PDE4D: variants seen among roughly 807,000 people sequenced by gnomAD.
The protein encoded by PDE4D is 3',5'-cyclic-AMP phosphodiesterase 4D.
Under a neutral mutation model 87.4 loss-of-function variants are expected in PDE4D, and 24 were observed. The observed-to-expected ratio is 0.27, with a 90% CI of 0.20 to 0.39. The LOEUF is 0.39. Among genes scored for constraint, PDE4D ranks in the 10% least tolerant of loss-of-function variants. The pLI, the probability that PDE4D is intolerant of heterozygous loss-of-function variation, is 1.00. For missense variants in PDE4D, 714 were observed against 1,041.0 expected, an observed-to-expected ratio of 0.69 and a Z score of 4.32; for synonymous variants, 384 against 383.2, an observed-to-expected ratio of 1.00 and a Z score of -0.02.
At chr5:60,416,582 A>T (rs1742594461) in intron 1 of PDE4D, among the ~76,000 whole-genome samples, 1 of 152,146 alleles carries the variant, frequency 6.6e-6, no homozygotes, top group Admixed American at 6.5e-5. Context: ...CCACGAACCC[A>T]CCAGAAGGAG....
At chr5:59,835,450 A>G (rs553677466) in intron 1 of PDE4D, among the ~76,000 whole-genome samples, 77 of 152,132 alleles carry the variant, frequency 5.1e-4, no homozygotes, top group African/African-American at 1.8e-3. Flanking sequence ...CCATCATGAA[A>G]GGAAATGGTA....
At chr5:59,800,399 T>C (rs1337389183) in intron 1 of PDE4D, among the ~76,000 whole-genome samples, 1 of 152,102 alleles carries the variant, frequency 6.6e-6, no homozygotes, top group Non-Finnish European at 1.5e-5. Context: ...TCACACTATA[T>C]AGTAAATGAA....
rs563941588 is a variant in PDE4D at position 59,094,907 on chromosome 5, G to A, written c.809-55936C>T. On this transcript the variant is annotated intron_variant, in intron 5 of 14. Coordinates refer to ENST00000340635, the MANE Select transcript of PDE4D (RefSeq NM_001104631.2). ...TTCTTGTCATTCTTCTGAGACTCTG[G>A]AGCTCCTGAGACTTCTTTTTCACTA... is the stretch of plus-strand genomic sequence containing the variant. 1.0e-3 allele frequency among the ~76,000 whole-genome samples: 153 copies of A among 152,076 alleles called. 1 individual carries two copies. The highest frequency in any genetic ancestry group is 3.6e-3 in the African/African-American group (148 of 41,484).
At chr5:59,685,049 C>T (rs576650100) in intron 1 of PDE4D, among the ~76,000 whole-genome samples, 123 of 152,284 alleles carry the variant, frequency 8.1e-4, no homozygotes, top group Non-Finnish European at 1.5e-3. Context: ...CAGACTAACA[C>T]ATAGAGTATA....
intron 1 of PDE4D, among the ~76,000 whole-genome samples, chr5:60,512,434 T>A (rs555048340): frequency 6.6e-6 from 1 of 152,302 alleles, no homozygotes; most frequent in East Asian, 1.9e-4. Context: ...TTTGATCATC[T>A]GCATTCAATC....
chr5:59,773,277 T>C (rs1395847473), intron 1 of PDE4D, among the ~76,000 whole-genome samples: 1 of 152,214 alleles, frequency 6.6e-6, no homozygotes, highest in African/African-American at 2.4e-5. Context: ...AGTTTACCAA[T>C]GGCATAAATG....
At chr5:59,633,645 A>G (rs1831856463) in intron 1 of PDE4D, among the ~76,000 whole-genome samples, 2 of 152,240 alleles carry the variant, frequency 1.3e-5, no homozygotes, top group South Asian at 4.1e-4. Context: ...ACTAAGCTTC[A>G]TAATTGAAGA....
At chr5:59,353,964 T>C (rs915333465) in intron 1 of PDE4D, among the ~76,000 whole-genome samples, 5 of 152,210 alleles carry the variant, frequency 3.3e-5, no homozygotes, top group Non-Finnish European at 7.3e-5. Context: ...TGCTATTACT[T>C]TAACAAATCA....
intron 1 of PDE4D, among the ~76,000 whole-genome samples, chr5:60,272,012 A>T (rs1008187850): frequency 7.9e-5 from 12 of 152,222 alleles, no homozygotes; most frequent in Admixed American, 2.6e-4. Context: ...AAAGGGACAG[A>T]AACAAGAATA....
chr5:60,457,987 C>A (rs1746606181), intron 1 of PDE4D, among the ~76,000 whole-genome samples: 1 of 152,182 alleles, frequency 6.6e-6, no homozygotes, highest in South Asian at 2.1e-4. Flanking sequence ...CCACTGAGCG[C>A]TTATTAGAAC....
chr5:59,787,856 T>A (rs1002464633), intron 1 of PDE4D, among the ~76,000 whole-genome samples: 1 of 152,156 alleles, frequency 6.6e-6, no homozygotes, highest in Non-Finnish European at 1.5e-5. Context: ...GCTGGGTCTA[T>A]CAAGCAACTA....
intron 1 of PDE4D, among the ~76,000 whole-genome samples, chr5:60,404,941 G>A (rs555847523): frequency 6.6e-6 from 1 of 152,298 alleles, no homozygotes; most frequent in East Asian, 1.9e-4. Context: ...GAACCTCTAA[G>A]CCATCTTCTC....
At chr5:59,733,051 A>G (rs1339853198) in intron 1 of PDE4D, among the ~76,000 whole-genome samples, 1 of 152,138 alleles carries the variant, frequency 6.6e-6, no homozygotes, top group African/African-American at 2.4e-5. Context: ...TTCAAAATGA[A>G]TAAGACACTG....
chr5:59,789,297 A>C (rs1561664777), intron 1 of PDE4D, among the ~76,000 whole-genome samples: 1 of 152,244 alleles, frequency 6.6e-6, no homozygotes, highest in Non-Finnish European at 1.5e-5. Flanking sequence ...ACAGCTCAGT[A>C]TAAAGGCTGG....
chr5:60,492,911 GAAGAA>G (rs1409069224), upstream of PDE4D, among the ~76,000 whole-genome samples: 2 of 150,118 alleles, frequency 1.3e-5, no homozygotes. Context: ...TTAAAAAAAA[GAAGAA>G]AAGAAAAAAA....
At chr5:59,985,332 T>C (rs1305175783) in intron 3 of PDE4D, among the ~76,000 whole-genome samples, 1 of 151,532 alleles carries the variant, frequency 6.6e-6, no homozygotes, top group Non-Finnish European at 1.5e-5. Flanking sequence ...TCGTACAGAC[T>C]GGGTTTCACC....
intron 1 of PDE4D, among the ~76,000 whole-genome samples, chr5:59,219,541 T>C (rs976440374): frequency 2.0e-5 from 3 of 152,124 alleles, no homozygotes; most frequent in Non-Finnish European, 4.4e-5. Context: ...ACTTTGTATT[T>C]TGAAATAGTC....
chr5:60,436,224 A>G (rs1744748405), intron 1 of PDE4D, among the ~76,000 whole-genome samples: 1 of 152,094 alleles, frequency 6.6e-6, no homozygotes, highest in South Asian at 2.1e-4. Flanking sequence ...AAGTAGTACC[A>G]ATTTATTAGG....
chr5:59,982,486 G>C (rs1762025855), intron 3 of PDE4D, among the ~76,000 whole-genome samples: 1 of 152,206 alleles, frequency 6.6e-6, no homozygotes, highest in Non-Finnish European at 1.5e-5. Context: ...GATTGTCTAG[G>C]GGCACATGGA....
Sources: allele counts gnomAD v4.1 joint callset (sites outside exome capture counted in the v4.1 genomes callset), GRCh38; gene constraint gnomAD v4.1.1; transcripts MANE v1.5; gene names NCBI Gene and HGNC (gene_info 2026-07-23, HGNC 2026-07-21).